The following UNC80 variants were observed in gnomAD, a reference collection of about 807,000 sequenced individuals.
UNC80 encodes the protein unc-80 subunit of NALCN channel complex.
A neutral mutation model predicts 384.6 loss-of-function variants in UNC80; 164 were observed. That is an observed-to-expected ratio of 0.43 (90% CI 0.38 to 0.49). UNC80 has a LOEUF of 0.49. UNC80 is among the 20% of genes least tolerant of loss of function. The probability of loss-of-function intolerance (pLI) is 0.00; values close to 1 mark genes in which losing one functional copy is unlikely to be tolerated. For synonymous variants in UNC80, 1,486 were observed against 1,527.8 expected (o/e 0.97, Z 0.64); for missense variants, 3,330 against 4,143.0 (o/e 0.80, Z 5.39).
intron 35 of UNC80, among the ~76,000 whole-genome samples, chr2:209,923,874 T>G (rs888630412): frequency 5.9e-5 from 9 of 152,204 alleles, no homozygotes; most frequent in African/African-American, 2.2e-4. Flanking sequence ...ATTCTGCTAA[T>G]TTTGCCTTTT....
chr2:209,948,036 A>G (rs1465690723), intron 47 of UNC80, among the ~76,000 whole-genome samples: 1 of 150,134 alleles, frequency 6.7e-6, no homozygotes, highest in African/African-American at 2.5e-5. Flanking sequence ...TTCACTTATA[A>G]TAGTCATAAT....
chr2:209,864,971 C>T (rs1179269385), intron 22 of UNC80, among the ~76,000 whole-genome samples: 1 of 152,184 alleles, frequency 6.6e-6, no homozygotes, highest in Non-Finnish European at 1.5e-5. Context: ...GCTCTGGTGG[C>T]GTGAGTTCGT....
At chr2:209,824,901 C>A (rs759694628) in intron 13 of UNC80, among the ~76,000 whole-genome samples, 2 of 152,192 alleles carry the variant, frequency 1.3e-5, no homozygotes, top group Non-Finnish European at 2.9e-5. Context: ...AAGTCCCTTA[C>A]AATTTGCAGA....
intron 35 of UNC80, 90 bp from the exon 36 acceptor site, chr2:209,926,753 G>A: frequency 6.8e-7 from 1 of 1,474,310 alleles, no homozygotes; most frequent in Non-Finnish European, 9.2e-7. Flanking sequence ...TCCAGCCTGG[G>A]TGACAGAGTG....
chr2:209,902,057 T>G lies in UNC80; in HGVS notation c.4582-2708T>G, dbSNP rs139662267. 2.0e-5 allele frequency among the ~76,000 whole-genome samples: 3 copies of G among 152,264 alleles called. No individual in the cohort carries two copies. The East Asian group carries it at 5.8e-4, about 29-fold the overall frequency. On this transcript the variant is annotated intron_variant, in intron 28 of 64. Transcript: ENST00000673920. ...AATGACTCACCATTCTAGATGTCAT[T>G]AAGAACATTTGTGATTCATAAGAGG...
At position 209,994,286 on chromosome 2, in the gene UNC80, G is replaced by C. The variant is rs878858366; in HGVS notation, c.9708+22G>C. 15 of 1,536,564 alleles carry C rather than the reference G, an allele frequency of 9.8e-6. No homozygotes were observed. The South Asian group carries it at 1.7e-4, about 18-fold the overall frequency. ...GCAGGTGAGGGCACTAGAGAAACAG[G>C]CAAGGCTTGCTCCCTGTGTACTTAC... On this transcript the variant is annotated intron_variant, in intron 64 of 64. Transcript: ENST00000673920.
chr2:209,902,904 CGTGTGTGT>C (rs56102642), intron 28 of UNC80, among the ~76,000 whole-genome samples: 8,191 of 141,234 alleles, frequency 0.058, 441 homozygotes, highest in African/African-American at 0.15. Context: ...CCTGTATACA[CGTGTGTGT>C]GTGTGTGTGT....
intron 35 of UNC80, among the ~76,000 whole-genome samples, chr2:209,922,882 C>G (rs1316086655): frequency 6.6e-6 from 1 of 152,130 alleles, no homozygotes; most frequent in African/African-American, 2.4e-5. Context: ...ATTTGCACTT[C>G]CCTAATGACA....
chr2:209,965,858 T>C (rs991307203), intron 51 of UNC80, among the ~76,000 whole-genome samples: 3 of 151,848 alleles, frequency 2.0e-5, no homozygotes, highest in African/African-American at 7.3e-5. Context: ...TTATGACTAT[T>C]ATGGGCTCTT....
chr2:209,807,902 A>G (rs537904032), intron 7 of UNC80, among the ~76,000 whole-genome samples: 1 of 152,360 alleles, frequency 6.6e-6, no homozygotes, highest in South Asian at 2.1e-4. Context: ...GAGGTACTTA[A>G]ATATTTGCTA....
At position 209,973,286 on chromosome 2, in the gene UNC80, C is replaced by T. The variant is rs183458975; in HGVS notation, c.8587+16C>T. On this transcript the variant is annotated intron_variant, in intron 56 of 64. Transcript: ENST00000673920. Reference sequence around the variant, plus strand: ...GCATACTTGGGTTGGTACTTTCTCTCTCTCTCTCTCTGTTTGTGCATGTGT... The same window carrying T: ...GCATACTTGGGTTGGTACTTTCTCTTTCTCTCTCTCTGTTTGTGCATGTGT... The T allele has an allele frequency of 5.9e-4, 914 of 1,547,306 alleles. 1 individual carries two copies. Among genetic ancestry groups the T allele is most frequent in the Non-Finnish European group, 7.3e-4 (837 of 1,144,134 alleles).
intron 13 of UNC80, among the ~76,000 whole-genome samples, chr2:209,824,740 T>C (rs1177614015): frequency 6.6e-6 from 1 of 152,076 alleles, no homozygotes; most frequent in Non-Finnish European, 1.5e-5. Context: ...ACCAACTCGA[T>C]AACATTAGGG....
intron 22 of UNC80, among the ~76,000 whole-genome samples, chr2:209,850,718 T>A (rs893717599): frequency 4.6e-5 from 7 of 152,150 alleles, no homozygotes; most frequent in Admixed American, 2.0e-4. Context: ...GAGAATTTTT[T>A]AAAAATTGCA....
At position 209,976,893 on chromosome 2, in the gene UNC80, A is replaced by C; in HGVS notation, c.8773-20A>C. On this transcript the variant is annotated intron_variant, in intron 57 of 64. Transcript: ENST00000673920. The surrounding 1 kb of genome is among the most constrained non-coding windows in gnomAD (Gnocchi z 4.3). ...TGGATGGAAAATTGAGGCCCTGAGA[A>C]TGTTATGCCTTCCTTTCAGCTGCTG... 1 of 1,502,232 alleles carries C rather than the reference A, an allele frequency of 6.7e-7. No homozygotes were observed. The allele number at this position is 1,502,232 out of a possible 1,614,324, so 93.1% of individuals were successfully genotyped here.
chr2:209,858,342 G>A lies in UNC80; in HGVS notation c.3627+8719G>A, dbSNP rs571411683. 3.2e-4 allele frequency among the ~76,000 whole-genome samples: 48 copies of A among 152,188 alleles called. 1 individual carries two copies. Among genetic ancestry groups the A allele is most frequent in the Non-Finnish European group, 5.7e-4 (39 of 68,020 alleles). Reference sequence around the variant, plus strand: ...ATTTCATTAGGTTAGTATTGGCTGGGCATGTCTTTTTGCCAATCCTTTACT... The same window carrying A: ...ATTTCATTAGGTTAGTATTGGCTGGACATGTCTTTTTGCCAATCCTTTACT... On this transcript the variant is annotated intron_variant, in intron 22 of 64. Coordinates refer to ENST00000673920, the MANE Select transcript of UNC80 (RefSeq NM_001371986.1).
chr2:209,980,835 A>G (rs888468499), intron 59 of UNC80, among the ~76,000 whole-genome samples: 2 of 152,250 alleles, frequency 1.3e-5, no homozygotes, highest in Non-Finnish European at 2.9e-5. Context: ...ATAAGTGTTA[A>G]GTGATATGTG....
intron 18 of UNC80, 145 bp downstream of exon 18, chr2:209,835,155 C>A: frequency 1.7e-6 from 1 of 603,120 alleles, no homozygotes; most frequent in Non-Finnish European, 2.9e-6. Flanking sequence ...ATTCCCAATG[C>A]CACTAACTCT....
intron 28 of UNC80, among the ~76,000 whole-genome samples, chr2:209,899,229 G>A (rs2087121719): frequency 6.6e-6 from 1 of 152,140 alleles, no homozygotes; most frequent in Non-Finnish European, 1.5e-5. Flanking sequence ...AGGTGCAGTG[G>A]TAGATACATG....
intron 22 of UNC80, among the ~76,000 whole-genome samples, chr2:209,866,490 CCACACACA>C (rs71409845): frequency 9.3e-6 from 1 of 107,560 alleles, no homozygotes; most frequent in Admixed American, 1.0e-4. Context: ...AAATGCACCC[CCACACACA>C]CACACACACA....
Sources: allele counts gnomAD v4.1 joint callset (sites outside exome capture counted in the v4.1 genomes callset), GRCh38; gene constraint gnomAD v4.1.1; non-coding constraint Gnocchi (gnomAD v3.1); transcripts MANE v1.5; gene names NCBI Gene and HGNC (gene_info 2026-07-23, HGNC 2026-07-21).